MAF: variants seen among roughly 807,000 people sequenced by gnomAD.
MAF encodes transcription factor Maf.
In MAF, 10 loss-of-function variants were observed where a neutral mutation model predicts 22.0. The observed-to-expected ratio is 0.45, with a 90% confidence interval of 0.28 to 0.77. The LOEUF (loss-of-function observed/expected upper bound fraction) is 0.77, where lower values mean the gene tolerates loss of function less well. MAF is among the 30% of genes least tolerant of loss of function. MAF has a pLI of 0.12. For synonymous variants in MAF, 337 were observed against 255.8 expected (o/e 1.32, Z -3.03); for missense variants, 544 against 548.4 (o/e 0.99, Z 0.08).
At chr16:79,535,967 A>C in the MAF span, among the ~76,000 whole-genome samples, 1 of 151,962 alleles carries the variant, frequency 6.6e-6, no homozygotes, top group African/African-American at 2.4e-5. Flanking sequence ...TCATCCACTT[A>C]TTTTCTTTTC....
At chr16:79,291,003 A>G in the MAF span, among the ~76,000 whole-genome samples, 13 of 152,064 alleles carry the variant, frequency 8.5e-5, no homozygotes, top group African/African-American at 3.1e-4. Context: ...ATGGGGAAGA[A>G]ACACTAAATG....
At chr16:79,345,720 C>T in the MAF span, among the ~76,000 whole-genome samples, 5 of 95,500 alleles carry the variant, frequency 5.2e-5, no homozygotes, top group Admixed American at 4.0e-4. Flanking sequence ...GAGCAAGACT[C>T]CGTCTCAAAA....
At chr16:79,588,010 G>C (rs1251988166) in intron 1 of MAF, among the ~76,000 whole-genome samples, 2 of 152,158 alleles carry the variant, frequency 1.3e-5, no homozygotes, top group South Asian at 2.1e-4. Flanking sequence ...CGGGGTAAGA[G>C]AGATTTTCGA....
the MAF span, among the ~76,000 whole-genome samples, chr16:79,432,366 C>CTAA: frequency 6.6e-6 from 1 of 152,148 alleles, no homozygotes; most frequent in African/African-American, 2.4e-5. Context: ...TGAGAATGTA[C>CTAA]TAATACACCC....
At chr16:79,439,637 A>G in the MAF span, among the ~76,000 whole-genome samples, 2 of 152,314 alleles carry the variant, frequency 1.3e-5, no homozygotes, top group South Asian at 4.2e-4. Context: ...ATTGCTGCAA[A>G]AACAGTCTGC....
downstream of MAF, among the ~76,000 whole-genome samples, chr16:79,580,883 A>G (rs1300084857): frequency 6.6e-6 from 1 of 152,130 alleles, no homozygotes; most frequent in Non-Finnish European, 1.5e-5. Context: ...AAATAAACAA[A>G]ATAGCCTTTG....
At chr16:79,339,347 C>T in the MAF span, among the ~76,000 whole-genome samples, 1 of 152,232 alleles carries the variant, frequency 6.6e-6, no homozygotes, top group Non-Finnish European at 1.5e-5. Context: ...GCGTGAGCCA[C>T]CGCACCCGGC....
the MAF span, among the ~76,000 whole-genome samples, chr16:79,518,628 C>T: frequency 2.0e-5 from 3 of 152,220 alleles, no homozygotes; most frequent in African/African-American, 7.2e-5. Context: ...ATGCTGATAA[C>T]ACTTTACATA....
chr16:79,435,286 G>T, the MAF span, among the ~76,000 whole-genome samples: 3 of 151,954 alleles, frequency 2.0e-5, no homozygotes, highest in African/African-American at 7.3e-5. Flanking sequence ...CCAGGTGTTG[G>T]CACATACCAT....
At chr16:79,477,315 G>A in the MAF span, among the ~76,000 whole-genome samples, 1 of 152,176 alleles carries the variant, frequency 6.6e-6, no homozygotes, top group South Asian at 2.1e-4. Context: ...TTGAGGATGG[G>A]CACAGATTTG....
the MAF span, among the ~76,000 whole-genome samples, chr16:79,394,634 A>T: frequency 6.6e-6 from 1 of 152,056 alleles, no homozygotes; most frequent in Non-Finnish European, 1.5e-5. Flanking sequence ...AGGGGTTTGG[A>T]GGATTTGGGC....
chr16:79,352,654 G>T, the MAF span, among the ~76,000 whole-genome samples: 2 of 152,174 alleles, frequency 1.3e-5, no homozygotes, highest in Non-Finnish European at 2.9e-5. Context: ...ATAAAAAGTA[G>T]AGGCAGATAG....
the MAF span, among the ~76,000 whole-genome samples, chr16:79,390,848 T>C: frequency 1.3e-4 from 20 of 152,304 alleles, no homozygotes; most frequent in Non-Finnish European, 2.1e-4. Flanking sequence ...TCTTTTCTGC[T>C]AGGAAAGGGT....
At chr16:79,508,050 T>C in the MAF span, among the ~76,000 whole-genome samples, 4 of 152,018 alleles carry the variant, frequency 2.6e-5, no homozygotes, top group Non-Finnish European at 5.9e-5. Flanking sequence ...AGGACTAGAT[T>C]TGCAGCAGGA....
chr16:79,216,707 G>A, the MAF span, among the ~76,000 whole-genome samples: 1 of 152,032 alleles, frequency 6.6e-6, no homozygotes, highest in East Asian at 1.9e-4. Context: ...ACTTACTATG[G>A]GTTTAGACGG....
the MAF span, among the ~76,000 whole-genome samples, chr16:79,519,834 G>C: frequency 6.6e-6 from 1 of 152,184 alleles, no homozygotes; most frequent in Non-Finnish European, 1.5e-5. Context: ...GTCACCATGT[G>C]GGGAAAAAAG....
At chr16:79,519,001 T>C in the MAF span, among the ~76,000 whole-genome samples, 1 of 152,170 alleles carries the variant, frequency 6.6e-6, no homozygotes, top group East Asian at 1.9e-4. Context: ...ACACAAGAAC[T>C]ATAAGCTCCT....
At chr16:79,389,691 A>G in the MAF span, among the ~76,000 whole-genome samples, 4 of 152,214 alleles carry the variant, frequency 2.6e-5, no homozygotes, top group African/African-American at 7.2e-5. Flanking sequence ...AAATCCTTAG[A>G]TCAGGCCGGG....
At chr16:79,391,881 GAGGAGGAGGAGGAGGAGC>G in the MAF span, among the ~76,000 whole-genome samples, 6 of 132,056 alleles carry the variant, frequency 4.5e-5, no homozygotes, top group Non-Finnish European at 7.2e-5. Flanking sequence ...GAAGGAGGAG[GAGGAGGAGGAGGAGGAGC>G]AGGAGGAGGA....
Sources: gnomAD v4.1 joint callset for allele counts (sites outside exome capture counted in the v4.1 genomes callset) on GRCh38, gnomAD v4.1.1 for gene constraint, MANE v1.5 for transcripts, NCBI Gene and HGNC (gene_info 2026-07-23, HGNC 2026-07-21) for gene names.